The following ATP1A3 variants were observed in gnomAD, a reference collection of about 807,000 sequenced individuals.
ATP1A3 encodes the protein ATPase Na+/K+ transporting subunit alpha 3, also known as sodium/potassium-transporting ATPase subunit alpha-3.
Under a neutral mutation model 108.8 loss-of-function variants are expected in ATP1A3, and 12 were observed. The ratio of observed to expected loss-of-function variants is 0.11; its 90% CI spans 0.07 to 0.18. The LOEUF is 0.18. Among genes scored for constraint, ATP1A3 ranks in the 10% least tolerant of loss-of-function variants. The pLI is 1.00. For synonymous variants in ATP1A3, 539 were observed against 564.5 expected (o/e 0.95, Z 0.64); for missense variants, 498 against 1,387.7 (o/e 0.36, Z 10.19).
Position 41,967,054 on chromosome 19 carries a change from G to A in ATP1A3, c.3014-89C>T. ...GCCGCCCAGCAGAGAGAGGGACAGA[G>A]AGGGAGAGAGACAAGGAAACCACAC... On this transcript the variant is annotated intron_variant, in intron 22 of 22. Coordinates refer to ENST00000648268, the MANE Select transcript of ATP1A3 (RefSeq NM_152296.5). This position sits in a 1 kb window ranked among gnomAD's most constrained non-coding sequence, Gnocchi z 4.2. 1 of 1,551,688 alleles carries A rather than the reference G, an allele frequency of 6.4e-7. No individual in the cohort carries two copies. Among genetic ancestry groups the A allele is most frequent in the Non-Finnish European group, 8.7e-7 (1 of 1,146,986 alleles).
intron 11 of ATP1A3, among the ~76,000 whole-genome samples, chr19:41,980,707 C>G (rs973845506): frequency 6.6e-6 from 1 of 151,936 alleles, no homozygotes; most frequent in Non-Finnish European, 1.5e-5. Flanking sequence ...GTCAGGAGAT[C>G]GAGACCATCC....
intron 14 of ATP1A3, 135 bp from the exon 15 acceptor site, chr19:41,976,701 G>A: frequency 7.8e-7 from 1 of 1,286,706 alleles, no homozygotes; most frequent in East Asian, 2.5e-5. Flanking sequence ...GGGGGAAGAG[G>A]CCTCTGGGAG....
At chr19:41,987,308 G>A (rs948207487) in intron 4 of ATP1A3, among the ~76,000 whole-genome samples, 6 of 152,082 alleles carry the variant, frequency 3.9e-5, no homozygotes, top group Non-Finnish European at 7.4e-5. Flanking sequence ...ACCAGGTTAT[G>A]CCTGCATTGC....
chr19:41,969,983 G>A (rs1310603690), intron 18 of ATP1A3, among the ~76,000 whole-genome samples: 3 of 151,722 alleles, frequency 2.0e-5, no homozygotes, highest in Non-Finnish European at 4.4e-5. Flanking sequence ...CCACTCCTCT[G>A]GGGATCCGCA....
intron 16 of ATP1A3, among the ~76,000 whole-genome samples, chr19:41,971,961 T>C (rs1195115310): frequency 6.6e-6 from 1 of 152,014 alleles, no homozygotes; most frequent in Non-Finnish European, 1.5e-5. Flanking sequence ...AAATAAAGAT[T>C]AATCCAGGCC....
chr19:41,978,763 G>C lies in ATP1A3; in HGVS notation c.1473C>G (p.Asn491Lys). ...SIHETEDPND[N>K]RYLLVMKGAP... Reference sequence around the variant, plus strand: ...CACCCTTCATCACCAGCAGGTATCGGTTGTCGTTGGGGTCCTCGGTCTCAT... The same window carrying C: ...CACCCTTCATCACCAGCAGGTATCGCTTGTCGTTGGGGTCCTCGGTCTCAT... Residue 491 changes from asparagine (N) to lysine (K), a missense_variant, in exon 12 of 23, where the codon AAC (asparagine) becomes AAG (lysine). Physicochemically the swap from Asn to Lys is moderately conservative, Grantham distance 94. Transcript: ENST00000648268. The surrounding 1 kb of genome is among the most constrained non-coding windows in gnomAD (Gnocchi z 8.3). 6.2e-7 allele frequency: 1 copy of C among 1,614,062 alleles called. No homozygotes were observed. The highest frequency in any genetic ancestry group is 8.5e-7 in the Non-Finnish European group (1 of 1,179,966).
Position 41,967,272 on chromosome 19 carries a change from A to T in ATP1A3, c.2990T>A (p.Leu997His). The change falls in exon 22 of 23, where the codon CTC (leucine) becomes CAC (histidine). Residue 997 changes from leucine to histidine, a missense_variant. Leu to His is a moderately conservative substitution (Grantham distance 99). This residue lies in a region of ATP1A3 where 29 missense variants were observed against 41.0 expected (regional missense o/e 0.71). Transcript: ENST00000648268. This position sits in a 1 kb window ranked among gnomAD's most constrained non-coding sequence, Gnocchi z 4.2. ...LIFVYDEIRK[L>H]ILRRNPGGWV... ...ACCCCCTGGGTTCCTGCGCAGGATGAGTTTGCGGATTTCGTCGTAGACGAA... is the reference window on the plus strand; with the variant it reads ...ACCCCCTGGGTTCCTGCGCAGGATGTGTTTGCGGATTTCGTCGTAGACGAA... 6.2e-7 allele frequency: 1 copy of T among 1,613,838 alleles called. No homozygotes were observed. Among genetic ancestry groups the T allele is most frequent in the Non-Finnish European group, 8.5e-7 (1 of 1,179,986 alleles).
At chr19:41,970,568 G>C in intron 16 of ATP1A3, 26 bp from the exon 17 acceptor site, 1 of 1,613,656 alleles carries the variant, frequency 6.2e-7, no homozygotes, top group Non-Finnish European at 8.5e-7. Flanking sequence ...GCTCAGAGCA[G>C]GCGCCCATGC....
In ATP1A3 at chr19:41,981,511, G is replaced by C. The variant is rs782801359; in HGVS notation, c.1428C>G (p.Asn476Lys). ...GGAAAGCCCAGAGTACCTGGTATTT[G>C]TTGGTGGAATTGAAGGGAATCTCAG... ...KVAEIPFNST[N>K]KYQLSIHETE... Residue 476 changes from asparagine to lysine, a missense_variant, in exon 11 of 23, where the codon AAC becomes AAG. Physicochemically the swap from Asn to Lys is moderately conservative, Grantham distance 94 (BLOSUM62 0). Transcript: ENST00000648268. This position sits in a 1 kb window ranked among gnomAD's most constrained non-coding sequence, Gnocchi z 5.0. 1 of 1,614,210 alleles carries C rather than the reference G, an allele frequency of 6.2e-7. No individual in the cohort carries two copies. Among genetic ancestry groups the C allele is most frequent in the Admixed American group, 1.7e-5 (1 of 60,024 alleles).
chr19:41,982,462 C>A (rs1180667835), intron 8 of ATP1A3, among the ~76,000 whole-genome samples: 1 of 152,052 alleles, frequency 6.6e-6, no homozygotes, highest in Non-Finnish European at 1.5e-5. Context: ...CCCATCCCTA[C>A]TAAAAATACA....
At chr19:41,987,686 G>A (rs1390299272) in intron 4 of ATP1A3, among the ~76,000 whole-genome samples, 3 of 152,144 alleles carry the variant, frequency 2.0e-5, no homozygotes, top group Non-Finnish European at 4.4e-5. Flanking sequence ...AGGCCGCTGA[G>A]GTCACACAGC....
rs369870482 is a variant in ATP1A3, at chr19:41,981,486, G to A, written c.1437+16C>T. 21 of 1,614,086 alleles carry A rather than the reference G, an allele frequency of 1.3e-5. No homozygotes were observed. Among genetic ancestry groups the A allele is most frequent in the Admixed American group, 8.3e-5 (5 of 60,012 alleles). On this transcript the variant is annotated intron_variant, in intron 11 of 22. Coordinates refer to ENST00000648268, the MANE Select transcript of ATP1A3 (RefSeq NM_152296.5). The surrounding 1 kb of genome is among the most constrained non-coding windows in gnomAD (Gnocchi z 5.0). ...ACCTGAGGTCCAGGCTGGCTCTCCC[G>A]GAAAGCCCAGAGTACCTGGTATTTG...
At position 41,985,711 on chromosome 19, in the gene ATP1A3, G is replaced by C. The variant is rs1409634095; in HGVS notation, c.606+153C>G. On this transcript the variant is annotated intron_variant, in intron 6 of 22. Transcript: ENST00000648268. The surrounding 1 kb of genome is among the most constrained non-coding windows in gnomAD (Gnocchi z 8.2). ...AGGTGGCCCAGGGCCTAAACTCCTG[G>C]GTCTGAGGGAGGAGGGCCTGGGGGC... Among the ~76,000 whole-genome samples the C allele has an allele frequency of 2.0e-5, 3 of 152,084 alleles. No homozygotes were observed. Among genetic ancestry groups the C allele is most frequent in the Non-Finnish European group, 2.9e-5 (2 of 67,990 alleles).
chr19:41,967,817 C>A lies in ATP1A3; in HGVS notation c.2820-54G>T. On this transcript the variant is annotated intron_variant, in intron 20 of 22. Transcript: ENST00000648268. The surrounding 1 kb of genome is among the most constrained non-coding windows in gnomAD (Gnocchi z 4.2). ...CCAGAGAGCACCCACCCTGCACCTGCCACCCCGCAGAGACAGGGGGAGGCA... is the reference window on the plus strand; with the variant it reads ...CCAGAGAGCACCCACCCTGCACCTGACACCCCGCAGAGACAGGGGGAGGCA... 1.3e-6 allele frequency: 2 copies of A among 1,534,260 alleles called. No homozygotes were observed. The highest frequency in any genetic ancestry group is 2.3e-5 in the South Asian group (2 of 87,832).
At chr19:41,970,927 C>T (rs572984944) in intron 16 of ATP1A3, among the ~76,000 whole-genome samples, 24 of 150,688 alleles carry the variant, frequency 1.6e-4, no homozygotes, top group East Asian at 1.2e-3. Context: ...CCACCGCGCC[C>T]GGCCTGTCCA....
At chr19:41,972,857 G>GGAAA (rs1442957465) in intron 16 of ATP1A3, among the ~76,000 whole-genome samples, 6 of 130,554 alleles carry the variant, frequency 4.6e-5, no homozygotes, top group East Asian at 2.6e-4. Flanking sequence ...AAGGAAGGAA[G>GGAAA]GAAAGAAGGA....
intron 4 of ATP1A3, among the ~76,000 whole-genome samples, chr19:41,987,212 CCT>C (rs2075295302): frequency 6.8e-6 from 1 of 147,190 alleles, no homozygotes; most frequent in Non-Finnish European, 1.5e-5. Flanking sequence ...TCCAGCTCTG[CCT>C]CTCTGTGAGA....
At chr19:41,990,343 TTCTC>T (rs1159229739) in intron 1 of ATP1A3, among the ~76,000 whole-genome samples, 3 of 131,136 alleles carry the variant, frequency 2.3e-5, no homozygotes, top group Non-Finnish European at 3.4e-5. Flanking sequence ...CTCTTTCTCT[TTCTC>T]TCTCTCTCTC....
chr19:41,985,846 C>CCCTAGG lies in ATP1A3; in HGVS notation c.606+12_606+17dup. 6.2e-7 allele frequency: 1 copy of CCCTAGG among 1,613,412 alleles called. No individual in the cohort carries two copies. Among genetic ancestry groups the CCCTAGG allele is most frequent in the South Asian group, 1.1e-5 (1 of 91,072 alleles). On this transcript the variant is annotated intron_variant, in intron 6 of 22. Transcript: ENST00000648268. This position sits in a 1 kb window ranked among gnomAD's most constrained non-coding sequence, Gnocchi z 8.2. Reference sequence around the variant, plus strand: ...CAGCCCGAGGGAGGGTAAAGCCGGGCCCTAGGCCCAGGCCCACCTTGCAGC... The same window carrying CCCTAGG: ...CAGCCCGAGGGAGGGTAAAGCCGGGCCCTAGGCCTAGGCCCAGGCCCACCTTGCAGC...
Sources: allele counts gnomAD v4.1 joint callset (sites outside exome capture counted in the v4.1 genomes callset), GRCh38; gene constraint gnomAD v4.1.1; regional missense constraint gnomAD v4.1.1; non-coding constraint Gnocchi (gnomAD v3.1); transcripts MANE v1.5; gene names NCBI Gene and HGNC (gene_info 2026-07-23, HGNC 2026-07-21).